CELF2: variants seen among roughly 807,000 people sequenced by gnomAD.
The protein encoded by CELF2 is CUG triplet repeat RNA-binding protein 2.
A neutral mutation model predicts 62.6 loss-of-function variants in CELF2; 8 were observed. The observed-to-expected ratio is 0.13, with a 90% CI of 0.07 to 0.23. CELF2 has a LOEUF of 0.23. CELF2 is among the 10% of genes least tolerant of loss of function. The probability of loss-of-function intolerance (pLI) is 1.00; values close to 1 mark genes in which losing one functional copy is unlikely to be tolerated. For missense variants in CELF2, 333 were observed against 671.0 expected, an observed-to-expected ratio of 0.50 and a Z score of 5.56; for synonymous variants, 258 against 250.0, an observed-to-expected ratio of 1.03 and a Z score of -0.30.
intron 1 of CELF2, among the ~76,000 whole-genome samples, chr10:10,803,810 C>G (rs531747527): frequency 6.6e-6 from 1 of 152,296 alleles, no homozygotes; most frequent in Admixed American, 6.5e-5. Flanking sequence ...GATTTCCTAG[C>G]ACACGACAAT....
intron 1 of CELF2, among the ~76,000 whole-genome samples, chr10:11,124,406 C>G (rs1291470810): frequency 1.3e-5 from 2 of 152,046 alleles, no homozygotes; most frequent in Non-Finnish European, 2.9e-5. Flanking sequence ...TTCTTAATTC[C>G]TAATAAAGAT....
chr10:10,976,108 C>A (rs2051309467), intron 2 of CELF2, among the ~76,000 whole-genome samples: 1 of 152,198 alleles, frequency 6.6e-6, no homozygotes, highest in African/African-American at 2.4e-5. Flanking sequence ...TGCTAACAAG[C>A]AATGAGAGCA....
chr10:11,014,980 G>A (rs1415828282), upstream of CELF2, among the ~76,000 whole-genome samples: 1 of 152,166 alleles, frequency 6.6e-6, no homozygotes, highest in Non-Finnish European at 1.5e-5. Context: ...ACACAGGGTG[G>A]TGTCACCAAC....
the CELF2 span, among the ~76,000 whole-genome samples, chr10:10,494,597 T>A: frequency 3.3e-5 from 5 of 152,206 alleles, no homozygotes; most frequent in African/African-American, 9.6e-5. Flanking sequence ...ATTTTCTTCC[T>A]CAGATCATTT....
At chr10:11,146,635 C>T (rs1050799747) in intron 1 of CELF2, among the ~76,000 whole-genome samples, 6 of 152,328 alleles carry the variant, frequency 3.9e-5, no homozygotes, top group Admixed American at 2.6e-4. Flanking sequence ...AATGGCCACA[C>T]GCTCATGTGC....
At chr10:11,304,338 AC>A (rs1449141701) in intron 9 of CELF2, among the ~76,000 whole-genome samples, 1 of 152,068 alleles carries the variant, frequency 6.6e-6, no homozygotes, top group East Asian at 1.9e-4. Context: ...ACCCACCCAG[AC>A]CATCCACAAT....
the CELF2 span, among the ~76,000 whole-genome samples, chr10:10,493,981 T>C: frequency 1.3e-5 from 2 of 152,152 alleles, no homozygotes; most frequent in African/African-American, 4.8e-5. Context: ...AGATGTGCTG[T>C]CTCCCCGGTG....
chr10:10,773,081 G>A, the CELF2 span, among the ~76,000 whole-genome samples: 2 of 152,182 alleles, frequency 1.3e-5, no homozygotes, highest in African/African-American at 2.4e-5. Flanking sequence ...TAGCATTTCT[G>A]CAGTGAACAG....
Position 11,270,797 on chromosome 10 carries a change from G to A in CELF2, c.750G>A (p.Leu250=). The A allele has an allele frequency of 6.7e-7, 1 of 1,501,732 alleles. No individual in the cohort carries two copies. The highest frequency in any genetic ancestry group is 8.9e-7 in the Non-Finnish European group (1 of 1,119,156). The allele number at this position is 1,501,732 out of a possible 1,614,324, so 93.0% of individuals were successfully genotyped here. Residue 250 remains leucine (L), a synonymous_variant, in exon 7 of 13, where the codon CTG becomes CTA. Coordinates refer to ENST00000633077, the MANE Select transcript of CELF2 (RefSeq NM_001326342.2). The surrounding 1 kb of genome is among the most constrained non-coding windows in gnomAD (Gnocchi z 5.8). ...CCACCTGGGGGAACCTGACAGGGCTGGGCGGACTGACCCCACAGTATCTGG... is the reference window on the plus strand; with the variant it reads ...CCACCTGGGGGAACCTGACAGGGCTAGGCGGACTGACCCCACAGTATCTGG... The part of the protein sequence containing the change: ...NTATWGNLTG[L]GGLTPQYLAL...
At chr10:10,565,382 A>C in the CELF2 span, among the ~76,000 whole-genome samples, 1 of 152,256 alleles carries the variant, frequency 6.6e-6, no homozygotes, top group Admixed American at 6.5e-5. Flanking sequence ...ACCCACAGGG[A>C]TAGACCCCTG....
the CELF2 span, among the ~76,000 whole-genome samples, chr10:10,674,056 G>A: frequency 6.6e-6 from 1 of 152,190 alleles, no homozygotes; most frequent in Non-Finnish European, 1.5e-5. Context: ...TGACAGTATT[G>A]TTGAATTCAG....
At chr10:10,963,094 G>A (rs2049724820) in intron 2 of CELF2, among the ~76,000 whole-genome samples, 1 of 152,124 alleles carries the variant, frequency 6.6e-6, no homozygotes, top group Non-Finnish European at 1.5e-5. Context: ...AGGCTGGAGT[G>A]CAGTGTCATG....
At chr10:11,265,268 C>T (rs1302309381) in intron 5 of CELF2, among the ~76,000 whole-genome samples, 1 of 152,216 alleles carries the variant, frequency 6.6e-6, no homozygotes, top group Non-Finnish European at 1.5e-5. Context: ...TCGTTGATGC[C>T]AGAATTCTGC....
chr10:10,872,005 A>G (rs75273016), intron 1 of CELF2, among the ~76,000 whole-genome samples: 110 of 152,320 alleles, frequency 7.2e-4, no homozygotes, highest in African/African-American at 2.5e-3. Context: ...AGAAGCTTAT[A>G]TCTTAAAGAT....
the CELF2 span, among the ~76,000 whole-genome samples, chr10:10,586,254 CT>C: frequency 1.3e-5 from 2 of 152,156 alleles, no homozygotes; most frequent in African/African-American, 4.8e-5. Flanking sequence ...TTCTCAAAAT[CT>C]GGTTACCATC....
chr10:10,631,436 G>A, the CELF2 span, among the ~76,000 whole-genome samples: 1 of 152,158 alleles, frequency 6.6e-6, no homozygotes, highest in Non-Finnish European at 1.5e-5. Flanking sequence ...ATGACAGTTT[G>A]AAAAATATTA....
At chr10:11,091,480 G>A (rs1405967156) in intron 1 of CELF2, among the ~76,000 whole-genome samples, 2 of 152,204 alleles carry the variant, frequency 1.3e-5, no homozygotes, top group African/African-American at 2.4e-5. Context: ...ATCCCTTCAA[G>A]AAAGTTCATG....
intron 1 of CELF2, among the ~76,000 whole-genome samples, chr10:10,859,210 A>T (rs1253389032): frequency 6.6e-6 from 1 of 152,204 alleles, no homozygotes; most frequent in Non-Finnish European, 1.5e-5. Context: ...ATAAAAAACA[A>T]ATTGCTCATT....
At position 11,285,807 on chromosome 10, in the gene CELF2, A is replaced by G. The variant is rs574616585; in HGVS notation, c.842-2611A>G. Among the ~76,000 whole-genome samples, 17 of 151,016 alleles carry G rather than the reference A, an allele frequency of 1.1e-4. No individual in the cohort carries two copies. Among genetic ancestry groups the G allele is most frequent in the African/African-American group, 3.9e-4 (16 of 41,046 alleles). ...TTGTTTGTCTTACATAGATTTGCTC[A>G]TCACCTACTATATATATTGGTGTGT... On this transcript the variant is annotated intron_variant, in intron 8 of 12. Transcript: ENST00000633077. The surrounding 1 kb of genome is among the most constrained non-coding windows in gnomAD (Gnocchi z 4.3).
Sources: gnomAD v4.1 joint callset for allele counts (sites outside exome capture counted in the v4.1 genomes callset) on GRCh38, gnomAD v4.1.1 for gene constraint, Gnocchi (gnomAD v3.1) non-coding constraint, MANE v1.5 for transcripts, NCBI Gene and HGNC (gene_info 2026-07-23, HGNC 2026-07-21) for gene names.